TPR: variants seen among roughly 807,000 people sequenced by gnomAD.
TPR encodes the protein nucleoprotein TPR.
In TPR, 51 loss-of-function variants were observed where a neutral mutation model predicts 316.1. The ratio of observed to expected loss-of-function variants is 0.16; its 90% CI spans 0.13 to 0.20. TPR has a LOEUF of 0.20. TPR is among the 10% of genes least tolerant of loss of function. TPR has a pLI of 1.00. For synonymous variants in TPR, 981 were observed against 914.7 expected (o/e 1.07, Z -1.31); for missense variants, 2,272 against 2,754.8 (o/e 0.82, Z 3.92).
At chr1:186,368,433 G>A (rs966727531) in intron 3 of TPR, among the ~76,000 whole-genome samples, 1 of 152,056 alleles carries the variant, frequency 6.6e-6, no homozygotes, top group Non-Finnish European at 1.5e-5. Flanking sequence ...GCAACACAGC[G>A]AAACCCAGTC....
chr1:186,334,440 A>G lies in TPR; in HGVS notation c.5067T>C (p.Asn1689=). 6.2e-7 allele frequency: 1 copy of G among 1,613,668 alleles called. No homozygotes were observed. The highest frequency in any genetic ancestry group is 1.1e-5 in the South Asian group (1 of 91,060). Reference sequence around the variant, plus strand: ...GGATACTAGCCCTGGGTGTTGACTTATTTCCAGCCATAGCTGCAGCTGTCA... The same window carrying G: ...GGATACTAGCCCTGGGTGTTGACTTGTTTCCAGCCATAGCTGCAGCTGTCA... ...SKVTAAAMAG[N]KSTPRASIRP... The change falls in exon 36 of 51, where the codon AAT becomes AAC. Residue 1689 remains asparagine (N), a synonymous_variant. Transcript: ENST00000367478.
At chr1:186,364,853 G>A (rs1659291241) in intron 4 of TPR, among the ~76,000 whole-genome samples, 1 of 152,172 alleles carries the variant, frequency 6.6e-6, no homozygotes, top group African/African-American at 2.4e-5. Flanking sequence ...GGGAGCACCA[G>A]GATTAGGGCA....
chr1:186,316,314 T>C (rs1657611441), intron 49 of TPR, among the ~76,000 whole-genome samples: 1 of 152,240 alleles, frequency 6.6e-6, no homozygotes, highest in African/African-American at 2.4e-5. Flanking sequence ...GTATCCATAT[T>C]ACATAATGTA....
At chr1:186,323,641 A>AT in intron 43 of TPR, 45 bp downstream of exon 43, 1 of 1,408,286 alleles carries the variant, frequency 7.1e-7, no homozygotes. Context: ...AAAAGCCAAG[A>AT]TTTTTTTCAA....
In TPR at chr1:186,328,513, C is replaced by T. The variant is rs776458349; in HGVS notation, c.5689-853G>A. ...TATTTCAGTTGCTCAATGGCCAGGG[C>T]GGTTAGTGCACAATACAGCTGCAGA... On this transcript the variant is annotated intron_variant, in intron 39 of 50. Transcript: ENST00000367478. 3.3e-5 allele frequency among the ~76,000 whole-genome samples: 5 copies of T among 151,402 alleles called. No individual in the cohort carries two copies. The East Asian group carries it at 7.7e-4, about 23-fold the overall frequency.
At chr1:186,355,306 A>C in intron 17 of TPR, 104 bp downstream of exon 17, 2 of 1,237,180 alleles carry the variant, frequency 1.6e-6, no homozygotes, top group Non-Finnish European at 2.3e-6. Flanking sequence ...AACACAGTTC[A>C]CAAAAAAAGC....
chr1:186,314,866 G>A, intron 49 of TPR, 142 bp from the exon 50 acceptor site: 3 of 510,992 alleles, frequency 5.9e-6, no homozygotes, highest in Non-Finnish European at 6.6e-6. Context: ...CAAACAATGA[G>A]GAACATTTAA....
At chr1:186,341,007 A>T (rs41315549) in intron 29 of TPR, 21 bp downstream of exon 29, 8 of 1,596,232 alleles carry the variant, frequency 5.0e-6, no homozygotes, top group Non-Finnish European at 6.0e-6. Context: ...CATGTTTTGG[A>T]AGAGTTTTAA....
Position 186,363,112 on chromosome 1 carries a change from T to C in TPR, c.532-111A>G, listed in dbSNP as rs1340188791. ...GCAGAATTTTATTTCAAAACAGAAA[T>C]TAAGTATTTGCATAGATTCTTAACT... On this transcript the variant is annotated intron_variant, in intron 5 of 50. Coordinates refer to ENST00000367478, the MANE Select transcript of TPR (RefSeq NM_003292.3). 4 of 1,244,032 alleles carry C rather than the reference T, an allele frequency of 3.2e-6. No individual in the cohort carries two copies. The East Asian group carries it at 1.0e-4, about 32-fold the overall frequency. 77.1% of individuals were successfully genotyped at this position (1,244,032 alleles called of 1,614,324 possible).
intron 17 of TPR, among the ~76,000 whole-genome samples, chr1:186,355,076 T>C (rs1445290541): frequency 6.6e-6 from 1 of 152,070 alleles, no homozygotes; most frequent in Non-Finnish European, 1.5e-5. Flanking sequence ...AGCTAATTTT[T>C]GTATTTTTAG....
rs771983785 is a variant in TPR at position 186,375,007 on chromosome 1, C to T, written c.22G>A (p.Val8Ile). 4.3e-6 allele frequency: 7 copies of T among 1,614,110 alleles called. No homozygotes were observed. In the Middle Eastern group the frequency reaches 4.9e-4, roughly 114 times the overall value. Residue 8 changes from valine to isoleucine, a missense_variant, in exon 1 of 51, where the codon GTC becomes ATC. By Grantham distance (29) the Val-to-Ile change is conservative (BLOSUM62 3). This residue lies in a region of TPR where 549 missense variants were observed against 598.6 expected (regional missense o/e 0.92). Coordinates refer to ENST00000367478, the MANE Select transcript of TPR (RefSeq NM_003292.3). The stretch of plus-strand genomic sequence containing the variant: ...TTGTTCAGCTCCGTGCGCTCCAGGA[C>T]TTGCTGCAACACCGCCGCCATGTCG... MAAVLQQ[V>I]LERTELNKLP...
chr1:186,358,476 A>G, intron 13 of TPR, 67 bp downstream of exon 13: 1 of 1,260,906 alleles, frequency 7.9e-7, no homozygotes, highest in Admixed American at 2.0e-5. Flanking sequence ...GGTACCTTCA[A>G]ACAGATTCAA....
intron 38 of TPR, among the ~76,000 whole-genome samples, 159 bp downstream of exon 38, chr1:186,332,036 C>A (rs1195687634): frequency 2.0e-5 from 3 of 151,990 alleles, no homozygotes; most frequent in Non-Finnish European, 4.4e-5. Flanking sequence ...GGTAATAATA[C>A]CTGGGTTGTC....
rs370052489 is a variant in TPR, at chr1:186,361,656, C to T, written c.924G>A (p.Glu308=). The change falls in exon 9 of 51, where the codon GAG becomes GAA. Residue 308 remains glutamate, a synonymous_variant. Transcript: ENST00000367478. The stretch of plus-strand genomic sequence containing the variant: ...CTTCTTTCAAAAGTTTGTGTAGTTC[C>T]TCTACTGCCCGGGTTAGTTCATTGC... The part of the protein sequence containing the change: ...AKSNELTRAV[E]ELHKLLKEAG... 248 of 1,613,224 alleles carry T rather than the reference C, an allele frequency of 1.5e-4. No homozygotes were observed. In the African/African-American group the frequency reaches 2.8e-3, roughly 18 times the overall value.
At chr1:186,330,072 G>A (rs1231632482) in intron 39 of TPR, among the ~76,000 whole-genome samples, 1 of 152,146 alleles carries the variant, frequency 6.6e-6, no homozygotes, top group African/African-American at 2.4e-5. Flanking sequence ...ATAGTAATGA[G>A]TTCTGTGTTA....
Position 186,337,080 on chromosome 1 carries a change from T to C in TPR, c.4439A>G (p.Lys1480Arg), listed in dbSNP as rs530260266. 3.1e-6 allele frequency: 5 copies of C among 1,613,956 alleles called. No individual in the cohort carries two copies. The East Asian group carries it at 6.7e-5, about 22-fold the overall frequency. ...HVSVQEMQEL[K>R]ETLNQAETKS... is the part of the protein sequence containing the mutation. ...TGTTTCAGCTTGGTTGAGCGTTTCT[T>C]TGAGTTCCTGCATTTCCTGGACTGA... The change falls in exon 32 of 51, where the codon AAA (lysine) becomes AGA (arginine). Residue 1480 changes from lysine (K) to arginine (R), a missense_variant. This residue lies in a region of TPR where 101 missense variants were observed against 113.0 expected (regional missense o/e 0.89). Coordinates refer to ENST00000367478, the MANE Select transcript of TPR (RefSeq NM_003292.3).
chr1:186,347,505 T>G (rs758404056), intron 21 of TPR, 47 bp from the exon 22 acceptor site: 1 of 1,581,728 alleles, frequency 6.3e-7, no homozygotes, highest in African/African-American at 1.4e-5. Context: ...TCAATAGTAT[T>G]AGAGATGACT....
chr1:186,336,642 T>C lies in TPR; in HGVS notation c.4559A>G (p.Gln1520Arg), dbSNP rs971512613. Residue 1520 changes from glutamine to arginine, a missense_variant, in exon 33 of 51, where the codon CAA becomes CGA. Transcript: ENST00000367478. ...EARNLQEQTV[Q>R]LQSELSRLRQ... ...AAGTCGTGAAAGTTCAGACTGAAGT[T>C]GCACAGTCTGTTCCTGGAGATTTCT... The C allele has an allele frequency of 2.5e-6, 4 of 1,613,730 alleles. No individual in the cohort carries two copies. The African/African-American group carries it at 4.0e-5, about 16-fold the overall frequency.
In TPR at chr1:186,322,464, T is replaced by C. The variant is rs150087367; in HGVS notation, c.6367-52A>G. 136 of 1,612,528 alleles carry C rather than the reference T, an allele frequency of 8.4e-5. No individual in the cohort carries two copies. In the East Asian group the frequency reaches 2.3e-3, roughly 27 times the overall value. On this transcript the variant is annotated intron_variant, in intron 44 of 50. Coordinates refer to ENST00000367478, the MANE Select transcript of TPR (RefSeq NM_003292.3). ...AACAAAACACCACACATATGGACTA[T>C]ATAAATATCTGCTCAAGAAATGAAT...
Sources: allele counts gnomAD v4.1 joint callset (sites outside exome capture counted in the v4.1 genomes callset), GRCh38; gene constraint gnomAD v4.1.1; regional missense constraint gnomAD v4.1.1; transcripts MANE v1.5; gene names NCBI Gene and HGNC (gene_info 2026-07-23, HGNC 2026-07-21).